NCKAP5: variants seen among roughly 807,000 people sequenced by gnomAD.
The protein encoded by NCKAP5 is NCK associated protein 5.
In NCKAP5, 92 loss-of-function variants were observed where a neutral mutation model predicts 167.0. That is an observed-to-expected ratio of 0.55 (90% confidence interval 0.47 to 0.66). The LOEUF (loss-of-function observed/expected upper bound fraction) is 0.66, where lower values mean the gene tolerates loss of function less well. Ranked by LOEUF, NCKAP5 falls within the 30% of genes least tolerant of loss-of-function variation. NCKAP5 has a pLI of 0.00. For missense variants in NCKAP5, 2,378 were observed against 2,315.0 expected (o/e 1.03, Z -0.56); for synonymous variants, 891 against 877.4 (o/e 1.02, Z -0.27).
intron 4 of NCKAP5, among the ~76,000 whole-genome samples, chr2:133,215,977 A>G (rs2086410938): frequency 6.6e-6 from 1 of 152,126 alleles, no homozygotes; most frequent in African/African-American, 2.4e-5. Context: ...GCAACAAACA[A>G]TTGGAAAATA....
chr2:132,789,680 T>A (rs1037304723), intron 13 of NCKAP5, among the ~76,000 whole-genome samples: 5 of 152,166 alleles, frequency 3.3e-5, no homozygotes, highest in Non-Finnish European at 5.9e-5. Flanking sequence ...CACAAAGGTA[T>A]CTCCAGCTTT....
chr2:133,224,242 T>C (rs976184834), intron 4 of NCKAP5, among the ~76,000 whole-genome samples: 2 of 152,202 alleles, frequency 1.3e-5, no homozygotes, highest in Non-Finnish European at 2.9e-5. Context: ...TACCTATTTA[T>C]CTCCTTAGTG....
intron 6 of NCKAP5, among the ~76,000 whole-genome samples, chr2:133,083,750 C>T (rs965300622): frequency 6.6e-6 from 1 of 152,022 alleles, no homozygotes; most frequent in African/African-American, 2.4e-5. Flanking sequence ...TTTTTTCATC[C>T]GTGTGTTTGT....
chr2:133,285,519 G>A (rs1245886447), intron 4 of NCKAP5, among the ~76,000 whole-genome samples: 1 of 152,106 alleles, frequency 6.6e-6, no homozygotes. Flanking sequence ...AACTTCTCAG[G>A]GATTTGGGTG....
intron 3 of NCKAP5, among the ~76,000 whole-genome samples, chr2:133,422,714 A>C (rs1031227280): frequency 6.6e-5 from 10 of 152,140 alleles, no homozygotes; most frequent in African/African-American, 2.4e-4. Flanking sequence ...GGCTCTTTTA[A>C]ATAATAGAGA....
chr2:133,103,094 GA>G (rs1427027221), intron 6 of NCKAP5, among the ~76,000 whole-genome samples: 1 of 152,152 alleles, frequency 6.6e-6, no homozygotes, highest in African/African-American at 2.4e-5. Flanking sequence ...GAGAAAGATG[GA>G]TAGCTTTCCC....
rs556900960 is a variant in NCKAP5, at chr2:132,818,926, G to A, written c.808-22197C>T. 1.4e-3 allele frequency among the ~76,000 whole-genome samples: 217 copies of A among 152,122 alleles called. 1 individual carries two copies. The highest frequency in any genetic ancestry group is 4.9e-3 in the African/African-American group (205 of 41,484). On this transcript the variant is annotated intron_variant, in intron 11 of 19. Transcript: ENST00000409261. Reference sequence around the variant, plus strand: ...AAATCAAGTTGAACTTGCCTCTTGCGCTTGCTATTTCATGCTTTAGAAAGG... The same window carrying A: ...AAATCAAGTTGAACTTGCCTCTTGCACTTGCTATTTCATGCTTTAGAAAGG...
intron 3 of NCKAP5, among the ~76,000 whole-genome samples, chr2:133,325,969 T>C (rs986390645): frequency 3.9e-5 from 6 of 152,216 alleles, no homozygotes; most frequent in Non-Finnish European, 8.8e-5. Context: ...CTGGAGTTGG[T>C]AAAGCTGAAA....
intron 3 of NCKAP5, among the ~76,000 whole-genome samples, chr2:133,372,636 G>C (rs1465677808): frequency 2.0e-5 from 3 of 152,194 alleles, no homozygotes; most frequent in Non-Finnish European, 4.4e-5. Context: ...CTGACCAAAA[G>C]CACCTTGGTA....
the NCKAP5 span, among the ~76,000 whole-genome samples, chr2:133,657,265 A>G: frequency 6.6e-6 from 1 of 152,144 alleles, no homozygotes; most frequent in East Asian, 1.9e-4. Flanking sequence ...CCCCTCTGTA[A>G]CTAGGATCAA....
chr2:133,397,881 G>A (rs1315139939), intron 3 of NCKAP5, among the ~76,000 whole-genome samples: 4 of 152,184 alleles, frequency 2.6e-5, no homozygotes, highest in African/African-American at 9.6e-5. Context: ...TCTCAGGCAA[G>A]GAGATCTAAG....
At chr2:133,280,794 C>T (rs115889295) in intron 4 of NCKAP5, among the ~76,000 whole-genome samples, 3,605 of 152,186 alleles carry the variant, frequency 0.024, 130 homozygotes, top group African/African-American at 0.081. Flanking sequence ...CTTACGTATC[C>T]TTTGTGGGTG....
intron 15 of NCKAP5, among the ~76,000 whole-genome samples, chr2:132,779,735 TAA>T (rs1682861656): frequency 6.6e-6 from 1 of 152,206 alleles, no homozygotes; most frequent in South Asian, 2.1e-4. Context: ...TCTCTCAAAT[TAA>T]AGTCTGTGAA....
At chr2:133,132,893 G>T (rs767052867) in intron 5 of NCKAP5, among the ~76,000 whole-genome samples, 25 of 151,972 alleles carry the variant, frequency 1.6e-4, no homozygotes, top group Non-Finnish European at 2.9e-4. Flanking sequence ...AGCCAGGATG[G>T]TCTTGATCTC....
chr2:133,363,537 C>T (rs1380121232), intron 3 of NCKAP5, among the ~76,000 whole-genome samples: 1 of 152,134 alleles, frequency 6.6e-6, no homozygotes, highest in Admixed American at 6.5e-5. Flanking sequence ...CATTAATCTA[C>T]ATTAACAGAA....
chr2:133,021,620 G>GT (rs796462062), intron 6 of NCKAP5, among the ~76,000 whole-genome samples: 5 of 152,184 alleles, frequency 3.3e-5, no homozygotes, highest in South Asian at 2.1e-4. Context: ...GTAAACTCTA[G>GT]TTTTTTTATT....
chr2:133,288,810 C>G (rs780193607), intron 4 of NCKAP5, among the ~76,000 whole-genome samples: 2 of 152,142 alleles, frequency 1.3e-5, no homozygotes, highest in Non-Finnish European at 2.9e-5. Flanking sequence ...TGCCTTCTTT[C>G]AAGGAGGGAA....
At chr2:133,005,458 T>A (rs1459277137) in intron 6 of NCKAP5, among the ~76,000 whole-genome samples, 1 of 152,198 alleles carries the variant, frequency 6.6e-6, no homozygotes, top group Admixed American at 6.5e-5. Context: ...ATTTCCCATG[T>A]TCAGTCTCAT....
At chr2:132,964,628 G>A (rs964782621) in intron 7 of NCKAP5, among the ~76,000 whole-genome samples, 1 of 151,962 alleles carries the variant, frequency 6.6e-6, no homozygotes, top group Non-Finnish European at 1.5e-5. Flanking sequence ...GATCCATTTT[G>A]TGCATGGAGA....
Sources: gnomAD v4.1 joint callset for allele counts (sites outside exome capture counted in the v4.1 genomes callset) on GRCh38, gnomAD v4.1.1 for gene constraint, MANE v1.5 for transcripts, NCBI Gene and HGNC (gene_info 2026-07-23, HGNC 2026-07-21) for gene names.